Variants in NFX1 observed in about 807,000 individuals in gnomAD.
NFX1 encodes nuclear transcription factor, X-box binding 1.
In NFX1, 69 loss-of-function variants were observed where a neutral mutation model predicts 137.2. The ratio of observed to expected loss-of-function variants is 0.50; its 90% CI spans 0.41 to 0.61. The LOEUF (loss-of-function observed/expected upper bound fraction) is 0.61. NFX1 is among the 20% of genes least tolerant of loss of function. The probability of loss-of-function intolerance (pLI) is 0.00; values close to 1 mark genes in which losing one functional copy is unlikely to be tolerated. For synonymous variants in NFX1, 495 were observed against 474.1 expected (o/e 1.04, Z -0.57); for missense variants, 1,167 against 1,391.0 (o/e 0.84, Z 2.56).
At chr9:33,325,176 A>G (rs1822535042) in intron 9 of NFX1, among the ~76,000 whole-genome samples, 1 of 152,204 alleles carries the variant, frequency 6.6e-6, no homozygotes, top group Admixed American at 6.5e-5. Flanking sequence ...TAGGAAAGAG[A>G]TCCACATCTA....
chr9:33,321,866 G>A (rs549732508), intron 9 of NFX1, among the ~76,000 whole-genome samples: 1 of 149,300 alleles, frequency 6.7e-6, no homozygotes, highest in South Asian at 2.1e-4. Context: ...CTGACAGAGT[G>A]AGACCCTGTC....
In NFX1 at chr9:33,301,424, CAATT is replaced by C. The variant is rs758875711; in HGVS notation, c.1192+8_1192+11del. ...AAGGTCTCCAGCATCTCAAGCAGGT[CAATT>C]AATTCTCTCTTCTGAGTAGTTATTC... On this transcript the variant is annotated splice_donor_5th_base_variant and intron_variant, in intron 3 of 23. Transcript: ENST00000379540. 7 of 1,612,992 alleles carry C rather than the reference CAATT, an allele frequency of 4.3e-6. No individual in the cohort carries two copies. The Admixed American group carries it at 6.7e-5, about 15-fold the overall frequency.
chr9:33,290,723 C>T lies in NFX1; in HGVS notation c.25+126C>T, dbSNP rs576680067. 6.7e-6 allele frequency: 6 copies of T among 896,658 alleles called. No homozygotes were observed. The African/African-American group carries it at 1.0e-4, about 15-fold the overall frequency. 55.5% of individuals were successfully genotyped at this position (896,658 alleles called of 1,614,324 possible). A position where few individuals can be genotyped will look rare whatever the true frequency, so the allele number is the denominator to read the frequency against. Reference sequence around the variant, plus strand: ...CACATGCTAGGGCGTAGGATAGTGGCTCGGAAGGGCCAAGCCCCGCGCATC... The same window carrying T: ...CACATGCTAGGGCGTAGGATAGTGGTTCGGAAGGGCCAAGCCCCGCGCATC... On this transcript the variant is annotated intron_variant, in intron 1 of 23. Coordinates refer to ENST00000379540, the MANE Select transcript of NFX1 (RefSeq NM_002504.6).
chr9:33,339,576 A>G (rs1025013725), intron 12 of NFX1, among the ~76,000 whole-genome samples: 4 of 152,142 alleles, frequency 2.6e-5, no homozygotes, highest in African/African-American at 9.7e-5. Flanking sequence ...TTTCAAAACC[A>G]ATCATGCCTT....
chr9:33,326,481 G>T (rs12339687), intron 9 of NFX1, among the ~76,000 whole-genome samples: 6,999 of 151,500 alleles, frequency 0.046, 480 homozygotes, highest in African/African-American at 0.15. Context: ...CTACTCAGGA[G>T]GCTGAGGTGG....
intron 11 of NFX1, among the ~76,000 whole-genome samples, chr9:33,332,886 C>T (rs903647839): frequency 1.3e-5 from 2 of 152,236 alleles, no homozygotes; most frequent in African/African-American, 2.4e-5. Flanking sequence ...CGCTCTGTTT[C>T]GCAGGCCAGA....
intron 9 of NFX1, among the ~76,000 whole-genome samples, chr9:33,323,598 C>A (rs1477036223): frequency 6.6e-6 from 1 of 151,660 alleles, no homozygotes; most frequent in East Asian, 1.9e-4. Flanking sequence ...ACTAAAAATA[C>A]AAAAATTAGC....
intron 6 of NFX1, among the ~76,000 whole-genome samples, chr9:33,312,152 C>T (rs568777488): frequency 2.6e-5 from 4 of 152,266 alleles, no homozygotes; most frequent in African/African-American, 7.2e-5. Context: ...TGCAGATTTT[C>T]GGTGAGGTGC....
chr9:33,326,518 AG>A (rs1822596258), intron 9 of NFX1, among the ~76,000 whole-genome samples: 1 of 152,120 alleles, frequency 6.6e-6, no homozygotes, highest in South Asian at 2.1e-4. Flanking sequence ...TAGGAGTTCA[AG>A]GCCAGCCTGG....
chr9:33,342,638 A>C (rs1823269842), intron 12 of NFX1, 108 bp from the exon 13 acceptor site: 1 of 781,426 alleles, frequency 1.3e-6, no homozygotes, highest in Non-Finnish European at 2.0e-6. Context: ...TCCAGATATC[A>C]TTTTATCCAT....
intron 15 of NFX1, chr9:33,348,175 C>G (rs960832788): frequency 1.3e-5 from 2 of 151,768 alleles, no homozygotes; most frequent in Admixed American, 6.6e-5. Context: ...AAGGTGAGAC[C>G]CCCCCCATCT....
At chr9:33,366,338 C>T (rs1320696156) in intron 21 of NFX1, among the ~76,000 whole-genome samples, 2 of 152,074 alleles carry the variant, frequency 1.3e-5, no homozygotes, top group African/African-American at 2.4e-5. Context: ...TTATGGAACC[C>T]ATCAGGAAGA....
At chr9:33,313,509 G>C in intron 6 of NFX1, 145 bp from the exon 7 acceptor site, 1 of 659,072 alleles carries the variant, frequency 1.5e-6, no homozygotes, top group Non-Finnish European at 2.6e-6. Context: ...AATTGGAGGA[G>C]GGAGACATAG....
At chr9:33,350,726 T>G (rs1450013533) in intron 15 of NFX1, among the ~76,000 whole-genome samples, 2 of 152,252 alleles carry the variant, frequency 1.3e-5, no homozygotes, top group African/African-American at 2.4e-5. Context: ...TGCAGTGGCA[T>G]GTACCTGTAG....
rs1822850706 is a variant in NFX1 at position 33,332,682 on chromosome 9, G to A, written c.2035+180G>A. Reference sequence around the variant, plus strand: ...ATTGAATTCTAATTGATGAAATGCTGAAAAATATAAGCTAAGTGCACTCAT... The same window carrying A: ...ATTGAATTCTAATTGATGAAATGCTAAAAAATATAAGCTAAGTGCACTCAT... On this transcript the variant is annotated intron_variant, in intron 11 of 23. Transcript: ENST00000379540. 5 of 524,202 alleles carry A rather than the reference G, an allele frequency of 9.5e-6. No homozygotes were observed. The South Asian group carries it at 1.1e-4, about 12-fold the overall frequency. The allele number at this position is 524,202 out of a possible 1,614,324, so 32.5% of individuals were successfully genotyped here. A position where few individuals can be genotyped will look rare whatever the true frequency, so the allele number is the denominator to read the frequency against.
At position 33,307,305 on chromosome 9, in the gene NFX1, T is replaced by C. The variant is rs1821787202; in HGVS notation, c.1376+6T>C. 1 of 1,610,478 alleles carries C rather than the reference T, an allele frequency of 6.2e-7. No individual in the cohort carries two copies. The highest frequency in any genetic ancestry group is 1.1e-5 in the South Asian group (1 of 90,900). On this transcript the variant is annotated splice_donor_region_variant and intron_variant, in intron 5 of 23. Transcript: ENST00000379540. ...TGCCCACATTCCTGTAACCTGTAAG[T>C]TGGAATGCTAATTCCGTTGGGATTG...
intron 14 of NFX1, among the ~76,000 whole-genome samples, chr9:33,344,937 G>T (rs919609950): frequency 3.3e-5 from 5 of 152,114 alleles, no homozygotes. Flanking sequence ...TGAGATGGGC[G>T]GGTCACTTGA....
At chr9:33,369,846 AG>A in intron 23 of NFX1, 59 bp from the exon 24 acceptor site, 1 of 1,171,270 alleles carries the variant, frequency 8.5e-7, no homozygotes, top group Admixed American at 1.8e-5. Flanking sequence ...AACTTTCTGA[AG>A]TCCTGTATCT....
At chr9:33,308,769 T>TA (rs1477682565) in intron 5 of NFX1, among the ~76,000 whole-genome samples, 1 of 152,196 alleles carries the variant, frequency 6.6e-6, no homozygotes, top group African/African-American at 2.4e-5. Flanking sequence ...TGACAATTCT[T>TA]ACTTTTACTA....
Sources: gnomAD v4.1 joint callset for allele counts (sites outside exome capture counted in the v4.1 genomes callset) on GRCh38, gnomAD v4.1.1 for gene constraint, MANE v1.5 for transcripts, NCBI Gene and HGNC (gene_info 2026-07-23, HGNC 2026-07-21) for gene names.